The following DOCK4 variants were observed in gnomAD, a reference collection of about 807,000 sequenced individuals.
The protein encoded by DOCK4 is dedicator of cytokinesis 4, also known as dedicator of cytokinesis protein 4.
DOCK4 carries 97 observed loss-of-function variants against 268.1 expected under a neutral mutation model. The observed-to-expected ratio is 0.36, with a 90% CI of 0.31 to 0.43. The LOEUF is 0.43. Among genes scored for constraint, DOCK4 ranks in the 20% least tolerant of loss-of-function variants. DOCK4 has a pLI of 1.00. For missense variants in DOCK4, 2,145 were observed against 2,455.7 expected, an observed-to-expected ratio of 0.87 and a Z score of 2.67; for synonymous variants, 954 against 887.2, an observed-to-expected ratio of 1.08 and a Z score of -1.34.
At chr7:111,870,933 T>G (rs1236999816) in intron 20 of DOCK4, among the ~76,000 whole-genome samples, 1 of 152,188 alleles carries the variant, frequency 6.6e-6, no homozygotes, top group Non-Finnish European at 1.5e-5. Flanking sequence ...GGCCGATGTT[T>G]CAAAACTATT....
At chr7:111,769,443 G>T in intron 37 of DOCK4, 86 bp downstream of exon 37, 1 of 1,503,090 alleles carries the variant, frequency 6.7e-7, no homozygotes. Context: ...TTAAGGAGGT[G>T]GGCATTCATA....
At chr7:111,817,487 G>C (rs1033084829) in intron 27 of DOCK4, among the ~76,000 whole-genome samples, 3 of 152,066 alleles carry the variant, frequency 2.0e-5, no homozygotes, top group Non-Finnish European at 4.4e-5. Flanking sequence ...CTCTAAGTGC[G>C]GGAAGCTTCC....
At chr7:112,113,105 G>C (rs1410735995) in intron 1 of DOCK4, among the ~76,000 whole-genome samples, 1 of 152,166 alleles carries the variant, frequency 6.6e-6, no homozygotes. Flanking sequence ...CAACAAATTA[G>C]GTCAGAGGCT....
intron 16 of DOCK4, among the ~76,000 whole-genome samples, chr7:111,888,801 CA>C (rs1291184345): frequency 1.3e-5 from 2 of 152,080 alleles, no homozygotes; most frequent in Non-Finnish European, 2.9e-5. Flanking sequence ...TGGAAAATTG[CA>C]GCGCTGTATG....
At position 111,809,312 on chromosome 7, in the gene DOCK4, CT is replaced by C; in HGVS notation, c.3095del (p.Lys1032ArgfsTer3). ...ACACTGATACTTACTTTTCTAACAC[CT>C]TTTTCTTCTTGGAAGGTGTGAACAT... ...LEMFTPSKKK[K>X]VLEKYGDMRV... On this transcript the variant is annotated frameshift_variant, in exon 29 of 53. Coordinates refer to ENST00000428084, the MANE Select transcript of DOCK4 (RefSeq NM_001363540.2). LOFTEE classifies it high-confidence loss of function. 1.3e-6 allele frequency: 2 copies of C among 1,557,492 alleles called. No individual in the cohort carries two copies. Among genetic ancestry groups the C allele is most frequent in the Non-Finnish European group, 8.7e-7 (1 of 1,149,184 alleles).
At position 111,791,070 on chromosome 7, in the gene DOCK4, T is replaced by TTATATATATA. The variant is rs35033313; in HGVS notation, c.3167-475_3167-466dup. On this transcript the variant is annotated intron_variant, in intron 30 of 52. Coordinates refer to ENST00000428084, the MANE Select transcript of DOCK4 (RefSeq NM_001363540.2). Reference sequence around the variant, plus strand: ...AAGACTCTGTCTCAAAAAAAAAAAATTATATATATATATATATATATATAT... The same window carrying TTATATATATA: ...AAGACTCTGTCTCAAAAAAAAAAAATTATATATATATATATATATATATATATATATATAT... Among the ~76,000 whole-genome samples the TTATATATATA allele has an allele frequency of 3.7e-3, 352 of 95,398 alleles. 6 individuals are homozygous for TTATATATATA. Among genetic ancestry groups the TTATATATATA allele is most frequent in the African/African-American group, 8.5e-3 (140 of 16,522 alleles). The allele number at this position is 95,398 out of a possible 152,430, so 62.6% of individuals were successfully genotyped here. A position where few individuals can be genotyped will look rare whatever the true frequency, so the allele number is the denominator to read the frequency against.
chr7:111,872,191 T>C, intron 19 of DOCK4, 78 bp downstream of exon 19: 1 of 1,370,886 alleles, frequency 7.3e-7, no homozygotes, highest in Non-Finnish European at 9.9e-7. Flanking sequence ...ATTAAGCACA[T>C]GTTTCTGAAC....
chr7:111,944,796 A>G lies in DOCK4; in HGVS notation c.844+15T>C, dbSNP rs887859497. 4 of 1,612,774 alleles carry G rather than the reference A, an allele frequency of 2.5e-6. No homozygotes were observed. The highest frequency in any genetic ancestry group is 3.3e-5 in the Admixed American group (2 of 59,980). ...TGTTCCTTGCCCCTACTGCACTGACAAGTGTTATACCTACCGATTCGGATA... is the reference window on the plus strand; with the variant it reads ...TGTTCCTTGCCCCTACTGCACTGACGAGTGTTATACCTACCGATTCGGATA... On this transcript the variant is annotated intron_variant, in intron 10 of 52. Transcript: ENST00000428084.
rs1289083438 is a variant in DOCK4 at position 111,960,382 on chromosome 7, AG to A, written c.702-14585del. Reference sequence around the variant, plus strand: ...CTGTCTTAAAAAAAAAAAAAAGAAAAGAAAAAAGAATTTATAAATAAAAATT... The same window carrying A: ...CTGTCTTAAAAAAAAAAAAAAGAAAAAAAAAAGAATTTATAAATAAAAATT... On this transcript the variant is annotated intron_variant, in intron 8 of 52. Coordinates refer to ENST00000428084, the MANE Select transcript of DOCK4 (RefSeq NM_001363540.2). Among the ~76,000 whole-genome samples the A allele has an allele frequency of 2.6e-3, 397 of 150,862 alleles. 1 individual carries two copies. Among genetic ancestry groups the A allele is most frequent in the Middle Eastern group, 6.8e-3 (2 of 294 alleles).
intron 1 of DOCK4, among the ~76,000 whole-genome samples, chr7:112,189,739 G>C (rs1819762282): frequency 8.0e-6 from 1 of 125,040 alleles, no homozygotes; most frequent in African/African-American, 3.4e-5. Context: ...TTCTCTGTCT[G>C]GGTTTTGTTT....
At chr7:112,133,861 A>C (rs75830814) in intron 1 of DOCK4, among the ~76,000 whole-genome samples, 3,229 of 152,344 alleles carry the variant, frequency 0.021, 107 homozygotes, top group African/African-American at 0.073. Flanking sequence ...AGTGTTTCTC[A>C]AACTGTGAGT....
chr7:111,874,218 T>G (rs1230741485), intron 17 of DOCK4, among the ~76,000 whole-genome samples: 1 of 152,148 alleles, frequency 6.6e-6, no homozygotes, highest in South Asian at 2.1e-4. Context: ...TCCACCCCCA[T>G]CCCAGCTCTC....
intron 12 of DOCK4, among the ~76,000 whole-genome samples, chr7:111,929,667 A>T (rs550416457): frequency 6.6e-6 from 1 of 152,206 alleles, no homozygotes; most frequent in Non-Finnish European, 1.5e-5. Context: ...CCAAATAAAA[A>T]ACACCATATA....
chr7:112,043,976 C>T (rs527784475), intron 1 of DOCK4, among the ~76,000 whole-genome samples: 14 of 150,842 alleles, frequency 9.3e-5, no homozygotes, highest in Non-Finnish European at 1.9e-4. Flanking sequence ...ATAGCTGCAG[C>T]TTCTCTTGGA....
At chr7:112,078,178 C>G (rs184714950) in intron 1 of DOCK4, among the ~76,000 whole-genome samples, 6 of 152,122 alleles carry the variant, frequency 3.9e-5, no homozygotes, top group Non-Finnish European at 8.8e-5. Context: ...AAGATTTTAT[C>G]TCTCATGTTT....
intron 1 of DOCK4, among the ~76,000 whole-genome samples, chr7:112,083,751 G>T (rs908715859): frequency 1.3e-5 from 2 of 152,138 alleles, no homozygotes; most frequent in African/African-American, 4.8e-5. Flanking sequence ...GGATATTAAA[G>T]ATATGAATAA....
At chr7:111,793,261 T>C (rs1423239357) in intron 30 of DOCK4, among the ~76,000 whole-genome samples, 2 of 152,240 alleles carry the variant, frequency 1.3e-5, no homozygotes, top group Non-Finnish European at 2.9e-5. Flanking sequence ...ATGCTACCAG[T>C]GTGAGAGAAG....
At chr7:111,762,754 TTTG>T (rs1797498445) in intron 39 of DOCK4, among the ~76,000 whole-genome samples, 1 of 123,278 alleles carries the variant, frequency 8.1e-6, no homozygotes, top group Non-Finnish European at 1.7e-5. Context: ...CCCATTTTGT[TTTG>T]TTTTCTTTTT....
chr7:111,934,523 GTTTTTTTTTTTTT>G lies in DOCK4; in HGVS notation c.1066+1004_1066+1016del, dbSNP rs1183672033. On this transcript the variant is annotated intron_variant, in intron 12 of 52. Transcript: ENST00000428084. The stretch of plus-strand genomic sequence containing the variant: ...GCGAAGCATGTTTTGTTTTGTTTTT[GTTTTTTTTTTTTT>G]TTTTTTTTTTTTAGACAGTGTCTTG... Among the ~76,000 whole-genome samples the G allele has an allele frequency of 1.4e-4, 12 of 83,874 alleles. No individual in the cohort carries two copies. The Admixed American group carries it at 1.4e-3, about 10-fold the overall frequency. The allele number at this position is 83,874 out of a possible 152,430, so 55.0% of individuals were successfully genotyped here.
Sources: allele counts gnomAD v4.1 joint callset (sites outside exome capture counted in the v4.1 genomes callset), GRCh38; gene constraint gnomAD v4.1.1; transcripts MANE v1.5; gene names NCBI Gene and HGNC (gene_info 2026-07-23, HGNC 2026-07-21).